Variants in CCNH observed in about 807,000 individuals in gnomAD.
CCNH encodes the protein cyclin-H.
Under a neutral mutation model 41.9 loss-of-function variants are expected in CCNH, and 31 were observed. The ratio of observed to expected loss-of-function variants is 0.74; its 90% CI spans 0.56 to 1.00. The LOEUF (loss-of-function observed/expected upper bound fraction) is 1.00, where lower values mean the gene tolerates loss of function less well. Ranked by LOEUF, CCNH falls within the 50% of genes least tolerant of loss-of-function variation. The pLI, the probability that CCNH is intolerant of heterozygous loss-of-function variation, is 0.00. For synonymous variants in CCNH, 138 were observed against 136.1 expected, an observed-to-expected ratio of 1.01 and a Z score of -0.10; for missense variants, 362 against 388.4, an observed-to-expected ratio of 0.93 and a Z score of 0.57.
rs748090237 is a variant in CCNH, at chr5:87,412,645, C to CGGGCAACT, written c.117+25_117+32dup. 49 of 1,610,438 alleles carry CGGGCAACT rather than the reference C, an allele frequency of 3.0e-5. No homozygotes were observed. In the East Asian group the frequency reaches 1.0e-3, roughly 34 times the overall value. The stretch of plus-strand genomic sequence containing the variant: ...CCGCAGCTGCTCAGAATTTAGTGAC[C>CGGGCAACT]GGGCAACTGGGCAACCGTTGGGAAA... On this transcript the variant is annotated intron_variant, in intron 1 of 8. Coordinates refer to ENST00000256897, the MANE Select transcript of CCNH (RefSeq NM_001239.4).
the CCNH span, among the ~76,000 whole-genome samples, chr5:87,313,319 A>G: frequency 2.6e-5 from 4 of 152,216 alleles, no homozygotes; most frequent in Admixed American, 2.6e-4. Context: ...CTTGAAGGGA[A>G]GAGTGATAGA....
intron 9 of CCNH, among the ~76,000 whole-genome samples, chr5:87,363,164 T>C (rs1760243840): frequency 6.6e-6 from 1 of 151,690 alleles, no homozygotes; most frequent in South Asian, 2.1e-4. Flanking sequence ...AAACAAGTAA[T>C]ATAACAAAAG....
At chr5:87,316,020 T>A (rs988078750), downstream of CCNH, among the ~76,000 whole-genome samples, 17 of 152,248 alleles carry the variant, frequency 1.1e-4, no homozygotes, top group African/African-American at 4.1e-4. Context: ...ATGGACACTA[T>A]GTTAAAATCT....
exon 1 of CCNH, chr5:87,376,953 G>T: frequency 6.2e-7 from 1 of 1,611,338 alleles, no homozygotes. Flanking sequence ...AACACTACTG[G>T]CCAGCATCCT....
chr5:87,378,583 T>C, upstream of CCNH: 1 of 1,528,918 alleles, frequency 6.5e-7, no homozygotes, highest in Middle Eastern at 1.7e-4. Flanking sequence ...AAGAACATAT[T>C]TTAATAGGTA....
chr5:87,389,326 T>C (rs1168391266), downstream of CCNH: 7 of 1,590,358 alleles, frequency 4.4e-6, no homozygotes, highest in Non-Finnish European at 6.0e-6. Context: ...AGCGAAACTC[T>C]GTCTCAAAAA....
At chr5:87,366,870 A>G (rs1318484137) in intron 9 of CCNH, among the ~76,000 whole-genome samples, 2 of 152,096 alleles carry the variant, frequency 1.3e-5, no homozygotes, top group Non-Finnish European at 2.9e-5. Context: ...CGTCTCTTTA[A>G]AAAATTAAAA....
At chr5:87,333,109 T>C (rs554282323) in intron 9 of CCNH, among the ~76,000 whole-genome samples, 94 of 152,252 alleles carry the variant, frequency 6.2e-4, no homozygotes, top group African/African-American at 2.1e-3. Context: ...AAAAAGCCTT[T>C]CTAGGCACTG....
chr5:87,319,847 A>G (rs984428524), intron 9 of CCNH, among the ~76,000 whole-genome samples: 1 of 152,208 alleles, frequency 6.6e-6, no homozygotes, highest in African/African-American at 2.4e-5. Context: ...TTTCTATAGC[A>G]TGGTGAGGCT....
downstream of CCNH, chr5:87,374,802 A>C (rs751085665): frequency 1.9e-6 from 3 of 1,605,988 alleles, no homozygotes; most frequent in South Asian, 1.1e-5. Context: ...TTTGATGCCA[A>C]AACATTTTGT....
At position 87,377,003 on chromosome 5, in the gene CCNH, G is replaced by A. The variant is rs780065565; in HGVS notation, n.178C>T. ...TTCACGAAAAGCTTGAATCGTTGTTGTTATGCACACTAAATGACAGAGAAA... is the reference window on the plus strand; with the variant it reads ...TTCACGAAAAGCTTGAATCGTTGTTATTATGCACACTAAATGACAGAGAAA... On this transcript the variant is annotated non_coding_transcript_exon_variant, in exon 1 of 1. Coordinates refer to the CCNH transcript ENST00000607486. 9 of 1,613,794 alleles carry A rather than the reference G, an allele frequency of 5.6e-6. No individual in the cohort carries two copies. The highest frequency in any genetic ancestry group is 7.6e-6 in the Non-Finnish European group (9 of 1,179,786).
At chr5:87,376,173 ACATCT>A (rs1761312822), downstream of CCNH, 1 of 588,884 alleles carries the variant, frequency 1.7e-6, no homozygotes, top group African/African-American at 1.9e-5. Context: ...CTCAAAGAAC[ACATCT>A]CAATCATCTC....
chr5:87,367,940 T>G (rs1211142491), intron 9 of CCNH, among the ~76,000 whole-genome samples: 14 of 152,154 alleles, frequency 9.2e-5, no homozygotes, highest in Admixed American at 8.5e-4. Flanking sequence ...CCTTATATTT[T>G]TAGTGGGAAA....
chr5:87,352,505 A>T (rs1273928136), intron 9 of CCNH, among the ~76,000 whole-genome samples: 1 of 151,842 alleles, frequency 6.6e-6, no homozygotes, highest in Admixed American at 6.6e-5. Context: ...ATTTAAAAAA[A>T]TACGTGGTTC....
At chr5:87,340,433 G>T (rs1319244954) in intron 9 of CCNH, among the ~76,000 whole-genome samples, 1 of 150,992 alleles carries the variant, frequency 6.6e-6, no homozygotes, top group Non-Finnish European at 1.5e-5. Flanking sequence ...TTTTTTTTAA[G>T]CCTACTCCCT....
downstream of CCNH, chr5:87,394,129 G>T: frequency 2.2e-6 from 1 of 445,794 alleles, no homozygotes; most frequent in Non-Finnish European, 3.1e-6. Context: ...TGGCTACTAA[G>T]TTTTGTTTTT....
At chr5:87,339,410 C>T (rs754674782) in intron 9 of CCNH, among the ~76,000 whole-genome samples, 5 of 152,096 alleles carry the variant, frequency 3.3e-5, no homozygotes, top group Non-Finnish European at 7.4e-5. Context: ...AAACAGTATT[C>T]GTACTGAAGC....
chr5:87,367,752 T>A (rs531867026), intron 9 of CCNH, among the ~76,000 whole-genome samples: 1 of 152,302 alleles, frequency 6.6e-6, no homozygotes, highest in African/African-American at 2.4e-5. Flanking sequence ...ATGAAAATGT[T>A]TTGCTGGATA....
At position 87,338,536 on chromosome 5, in the gene CCNH, A is replaced by ATATATTTTTTT; in HGVS notation, c.*91-19640_*91-19639insAAAAAAATATA. Among the ~76,000 whole-genome samples, 50 of 85,210 alleles carry ATATATTTTTTT rather than the reference A, an allele frequency of 5.9e-4. 3 individuals carry two copies. The highest frequency in any genetic ancestry group is 2.1e-3 in the African/African-American group (48 of 22,614). 55.9% of individuals were successfully genotyped at this position (85,210 alleles called of 152,430 possible). A position where few individuals can be genotyped will look rare whatever the true frequency, so the allele number is the denominator to read the frequency against. ...ATATATATATATATATATATATAAA[A>ATATATTTTTTT]TTTTTTTTTTTTTTAAGTAGAAATG... On this transcript the variant is annotated intron_variant and NMD_transcript_variant, in intron 9 of 9. Coordinates refer to the CCNH transcript ENST00000645953.
Sources: allele counts gnomAD v4.1 joint callset (sites outside exome capture counted in the v4.1 genomes callset), GRCh38; gene constraint gnomAD v4.1.1; transcripts MANE v1.5; gene names NCBI Gene and HGNC (gene_info 2026-07-23, HGNC 2026-07-21).